Variants in TENM4 observed in about 807,000 individuals in gnomAD.
TENM4 encodes the protein teneurin transmembrane protein 4, also known as teneurin-4.
Under a neutral mutation model 243.3 loss-of-function variants are expected in TENM4, and 82 were observed. The observed-to-expected ratio is 0.34, with a 90% CI of 0.28 to 0.40. The LOEUF is 0.40. Ranked by LOEUF, TENM4 falls within the 10% of genes least tolerant of loss-of-function variation. The pLI is 1.00. For missense variants in TENM4, 3,138 were observed against 3,673.3 expected (o/e 0.85, Z 3.77); for synonymous variants, 1,412 against 1,456.3 (o/e 0.97, Z 0.69).
At chr11:79,358,796 C>T (rs1221238641) in intron 1 of TENM4, among the ~76,000 whole-genome samples, 2 of 151,018 alleles carry the variant, frequency 1.3e-5, no homozygotes, top group Non-Finnish European at 2.9e-5. Context: ...TTAGCTTCCT[C>T]TCTCCCTCCT....
intron 2 of TENM4, among the ~76,000 whole-genome samples, chr11:79,291,013 G>C (rs1856347323): frequency 6.6e-6 from 1 of 152,188 alleles, no homozygotes. Flanking sequence ...CATGCCAGGG[G>C]CTGGGATGGA....
intron 6 of TENM4, among the ~76,000 whole-genome samples, chr11:79,003,976 G>A (rs151316928): frequency 1.4e-5 from 2 of 144,500 alleles, no homozygotes; most frequent in African/African-American, 2.6e-5. Context: ...AAACACAGGG[G>A]TTGCTATTCT....
intron 6 of TENM4, among the ~76,000 whole-genome samples, chr11:79,042,267 C>T (rs901322360): frequency 1.3e-5 from 2 of 152,222 alleles, no homozygotes; most frequent in Admixed American, 6.5e-5. Context: ...TATTACTTCT[C>T]TCTACAATCA....
chr11:79,227,602 T>C lies in TENM4; in HGVS notation c.-264-11693A>G, dbSNP rs74376544. Among the ~76,000 whole-genome samples the C allele has an allele frequency of 6.0e-3, 916 of 152,246 alleles. 12 individuals carry two copies. Among genetic ancestry groups the C allele is most frequent in the African/African-American group, 0.021 (878 of 41,550 alleles). On this transcript the variant is annotated intron_variant, in intron 2 of 33. Coordinates refer to ENST00000278550, the MANE Select transcript of TENM4 (RefSeq NM_001098816.3). ...GTGATAGGTGGGGCCACTGTGAGAC[T>C]GGGGAGGCAGCCCTAGAAGGAGAAA...
chr11:79,172,902 A>G (rs958703018), intron 3 of TENM4, among the ~76,000 whole-genome samples: 7 of 152,040 alleles, frequency 4.6e-5, no homozygotes, highest in African/African-American at 1.7e-4. Context: ...CGGCCTCCCA[A>G]AGTGCTGGGA....
chr11:78,867,742 G>A (rs1859018999), intron 9 of TENM4, among the ~76,000 whole-genome samples: 1 of 152,120 alleles, frequency 6.6e-6, no homozygotes, highest in African/African-American at 2.4e-5. Flanking sequence ...AACATTACTG[G>A]AGAATGGAAG....
intron 12 of TENM4, among the ~76,000 whole-genome samples, chr11:78,830,334 C>T (rs1455558724): frequency 6.6e-6 from 1 of 152,180 alleles, no homozygotes; most frequent in Non-Finnish European, 1.5e-5. Flanking sequence ...TCCATCAGTA[C>T]AGCCAGGGGC....
chr11:79,316,472 A>G (rs981870332), intron 1 of TENM4, among the ~76,000 whole-genome samples: 7 of 152,242 alleles, frequency 4.6e-5, no homozygotes, highest in African/African-American at 1.7e-4. Flanking sequence ...GTGTGGGCTA[A>G]CAAGCGTACC....
intron 4 of TENM4, among the ~76,000 whole-genome samples, chr11:79,145,262 T>C (rs1862375610): frequency 1.3e-5 from 2 of 152,056 alleles, no homozygotes; most frequent in South Asian, 4.1e-4. Flanking sequence ...TTAAGTACAG[T>C]AGAGGGTACA....
rs377219249 is a variant in TENM4 at position 79,231,138 on chromosome 11, G to C, written c.-264-15229C>G. 3.6e-4 allele frequency among the ~76,000 whole-genome samples: 55 copies of C among 152,266 alleles called. 3 individuals carry two copies. Among genetic ancestry groups the C allele is most frequent in the South Asian group, 3.3e-3 (16 of 4,820 alleles). On this transcript the variant is annotated intron_variant, in intron 2 of 33. Transcript: ENST00000278550. ...AAGAAAATAAAGTAAAAGGGACATG[G>C]AACTGGCAAAATATTTGTAGCATGG...
At chr11:79,164,957 A>ATATATATATG (rs1555020448) in intron 3 of TENM4, among the ~76,000 whole-genome samples, 1 of 139,932 alleles carries the variant, frequency 7.1e-6, no homozygotes, top group Non-Finnish European at 1.5e-5. Flanking sequence ...CTATATATAT[A>ATATATATATG]TGTGTGTGTG....
intron 6 of TENM4, among the ~76,000 whole-genome samples, chr11:78,942,616 C>T (rs978749946): frequency 6.6e-5 from 10 of 152,062 alleles, no homozygotes; most frequent in East Asian, 1.9e-4. Flanking sequence ...CCTCTGAGCC[C>T]GTAGTCATTC....
intron 15 of TENM4, among the ~76,000 whole-genome samples, chr11:78,793,213 CACA>C (rs1416862944): frequency 6.6e-6 from 1 of 152,124 alleles, no homozygotes; most frequent in African/African-American, 2.4e-5. Context: ...ACAATTTTCC[CACA>C]AAATTTCTTC....
At chr11:78,701,417 G>C in intron 28 of TENM4, 109 bp downstream of exon 28, 1 of 1,353,372 alleles carries the variant, frequency 7.4e-7, no homozygotes, top group Non-Finnish European at 9.9e-7. Flanking sequence ...ATAAGTAATA[G>C]TTTTTATCCC....
At chr11:79,212,597 A>G (rs1268192406) in intron 3 of TENM4, among the ~76,000 whole-genome samples, 1 of 152,170 alleles carries the variant, frequency 6.6e-6, no homozygotes, top group African/African-American at 2.4e-5. Flanking sequence ...TGAAGACTGA[A>G]AAGTGAAGGG....
chr11:78,885,353 GC>G (rs762991900), intron 9 of TENM4, among the ~76,000 whole-genome samples: 4 of 152,188 alleles, frequency 2.6e-5, no homozygotes, highest in Non-Finnish European at 5.9e-5. Flanking sequence ...CTGAATTGGT[GC>G]CTTTGGAGAC....
At chr11:79,398,833 G>A (rs1858400400) in intron 1 of TENM4, among the ~76,000 whole-genome samples, 2 of 151,370 alleles carry the variant, frequency 1.3e-5, no homozygotes, top group Non-Finnish European at 1.5e-5. Context: ...CCCAAGTAGA[G>A]GCTGGTAGAG....
chr11:79,101,436 C>T (rs570536308), intron 4 of TENM4, among the ~76,000 whole-genome samples: 1 of 152,304 alleles, frequency 6.6e-6, no homozygotes, highest in South Asian at 2.1e-4. Flanking sequence ...TGGCATGCTC[C>T]AGGACTAACA....
At chr11:79,049,948 T>C (rs560572719) in intron 6 of TENM4, among the ~76,000 whole-genome samples, 1 of 152,060 alleles carries the variant, frequency 6.6e-6, no homozygotes, top group Non-Finnish European at 1.5e-5. Context: ...GCTGATTTGC[T>C]TTTTTTTCCC....
Sources: gnomAD v4.1 joint callset for allele counts (sites outside exome capture counted in the v4.1 genomes callset) on GRCh38, gnomAD v4.1.1 for gene constraint, MANE v1.5 for transcripts, NCBI Gene and HGNC (gene_info 2026-07-23, HGNC 2026-07-21) for gene names.